CFAP54: variants seen among roughly 807,000 people sequenced by gnomAD.
The protein encoded by CFAP54 is cilia- and flagella-associated protein 54.
In CFAP54, 290 loss-of-function variants were observed where a neutral mutation model predicts 370.4. The ratio of observed to expected loss-of-function variants is 0.78; its 90% CI spans 0.71 to 0.86. The LOEUF is 0.86. CFAP54 is among the 40% of genes least tolerant of loss of function. The pLI, the probability that CFAP54 is intolerant of heterozygous loss-of-function variation, is 0.00. For synonymous variants in CFAP54, 1,206 were observed against 1,236.5 expected (o/e 0.98, Z 0.52); for missense variants, 3,399 against 3,528.7 (o/e 0.96, Z 0.93).
chr12:96,870,464 C>G (rs995496152), intron 67 of CFAP54, among the ~76,000 whole-genome samples: 14 of 152,142 alleles, frequency 9.2e-5, no homozygotes, highest in African/African-American at 3.4e-4. Context: ...TTACCACCTG[C>G]ATGAATTTGG....
chr12:96,626,701 G>A (rs942803907), intron 29 of CFAP54, 112 bp from the exon 30 acceptor site: 5 of 495,434 alleles, frequency 1.0e-5, no homozygotes, highest in Non-Finnish European at 1.6e-5. Flanking sequence ...AATCTAAAAA[G>A]CAGATTAATA....
chr12:96,489,648 C>T lies in CFAP54; in HGVS notation c.39C>T (p.Asp13=). 3.3e-6 allele frequency: 5 copies of T among 1,530,728 alleles called. No homozygotes were observed. Among genetic ancestry groups the T allele is most frequent in the Non-Finnish European group, 3.5e-6 (4 of 1,142,522 alleles). The allele number at this position is 1,530,728 out of a possible 1,614,324, so 94.8% of individuals were successfully genotyped here. A position where few individuals can be genotyped will look rare whatever the true frequency, so the allele number is the denominator to read the frequency against. ...AQGSPSSSPS[D]DSTTSGSLPE... ...GCTCCCCCTCGAGCTCTCCGTCAGA[C>T]GACTCTACCACCTCGGGGTCTCTGC... is the stretch of plus-strand genomic sequence containing the variant. Residue 13 remains aspartate (D), a synonymous_variant, in exon 1 of 68, where the codon GAC becomes GAT. Coordinates refer to ENST00000524981, the MANE Select transcript of CFAP54 (RefSeq NM_001306084.2).
chr12:96,664,689 G>GTATA lies in CFAP54; in HGVS notation c.5563+761_5563+764dup, dbSNP rs1274516967. Reference sequence around the variant, plus strand: ...AATAGAACAATTTATATTCCTTTGGGTATATATCTATATATATATATATAT... The same window carrying GTATA: ...AATAGAACAATTTATATTCCTTTGGGTATATATATATCTATATATATATATATAT... On this transcript the variant is annotated intron_variant, in intron 39 of 67. Transcript: ENST00000524981. 1.8e-3 allele frequency among the ~76,000 whole-genome samples: 47 copies of GTATA among 26,264 alleles called. 1 individual carries two copies. Among genetic ancestry groups the GTATA allele is most frequent in the Admixed American group, 3.6e-3 (8 of 2,224 alleles). 17.2% of individuals were successfully genotyped at this position (26,264 alleles called of 152,430 possible). A position where few individuals can be genotyped will look rare whatever the true frequency, so the allele number is the denominator to read the frequency against.
chr12:96,585,424 G>A (rs1255060848), intron 22 of CFAP54, among the ~76,000 whole-genome samples: 1 of 152,126 alleles, frequency 6.6e-6, no homozygotes, highest in Non-Finnish European at 1.5e-5. Context: ...TCTTCCCCCA[G>A]AGAGCCATTC....
At chr12:96,648,052 C>T in intron 34 of CFAP54, 35 bp downstream of exon 34, 1 of 1,447,374 alleles carries the variant, frequency 6.9e-7, no homozygotes, top group Non-Finnish European at 9.1e-7. Context: ...ATTAAATTAC[C>T]TCTAGATTTT....
At chr12:96,521,564 G>A (rs1300643843) in intron 6 of CFAP54, among the ~76,000 whole-genome samples, 1 of 151,890 alleles carries the variant, frequency 6.6e-6, no homozygotes, top group East Asian at 1.9e-4. Flanking sequence ...GCGCACATGA[G>A]GACGTGCGGT....
intron 32 of CFAP54, among the ~76,000 whole-genome samples, chr12:96,632,033 G>C (rs902665783): frequency 6.6e-6 from 1 of 151,578 alleles, no homozygotes; most frequent in Non-Finnish European, 1.5e-5. Context: ...CATTTTTGTG[G>C]AACTATGTGG....
At chr12:96,652,686 A>T (rs1378113117) in intron 36 of CFAP54, among the ~76,000 whole-genome samples, 1 of 152,236 alleles carries the variant, frequency 6.6e-6, no homozygotes, top group Non-Finnish European at 1.5e-5. Flanking sequence ...AAGATGCCAA[A>T]TAAAGGGTAG....
intron 19 of CFAP54, among the ~76,000 whole-genome samples, chr12:96,570,447 T>C (rs1381902671): frequency 6.6e-6 from 1 of 152,126 alleles, no homozygotes; most frequent in East Asian, 1.9e-4. Context: ...ATTTTTTTTC[T>C]CTTTTAAGTG....
At chr12:96,705,890 A>G (rs1433379960) in intron 47 of CFAP54, among the ~76,000 whole-genome samples, 1 of 152,198 alleles carries the variant, frequency 6.6e-6, no homozygotes, top group East Asian at 1.9e-4. Flanking sequence ...AAGACAAGAG[A>G]AAGCTTCTCT....
chr12:96,724,704 C>T (rs896961820), intron 50 of CFAP54, among the ~76,000 whole-genome samples: 2 of 152,128 alleles, frequency 1.3e-5, no homozygotes, highest in Non-Finnish European at 2.9e-5. Context: ...TCAATTTTGG[C>T]TTTTGTTGCC....
chr12:96,717,852 C>T (rs1957703127), intron 48 of CFAP54, among the ~76,000 whole-genome samples: 1 of 152,154 alleles, frequency 6.6e-6, no homozygotes, highest in Non-Finnish European at 1.5e-5. Flanking sequence ...TAGCCAATAA[C>T]TTGAATAACA....
At position 96,623,877 on chromosome 12, in the gene CFAP54, G is replaced by A. The variant is rs758367970; in HGVS notation, c.3882G>A (p.Lys1294=). Residue 1294 remains lysine (K), a synonymous_variant, in exon 28 of 68, where the codon AAG becomes AAA. Transcript: ENST00000524981. ...AGACACACCTACTCAAACTGACAAA[G>A]CAATGTAATCATTTGTTTTCTGTAT... ...LLETHLLKLT[K]QYVTSELSGG... 55 of 1,519,064 alleles carry A rather than the reference G, an allele frequency of 3.6e-5. No homozygotes were observed. The highest frequency in any genetic ancestry group is 3.4e-4 in the Middle Eastern group (2 of 5,956). The allele number at this position is 1,519,064 out of a possible 1,614,324, so 94.1% of individuals were successfully genotyped here. A position where few individuals can be genotyped will look rare whatever the true frequency, so the allele number is the denominator to read the frequency against.
At chr12:96,826,705 AAATT>A (rs1238971594) in intron 65 of CFAP54, among the ~76,000 whole-genome samples, 2 of 111,742 alleles carry the variant, frequency 1.8e-5, no homozygotes, top group Non-Finnish European at 3.3e-5. Flanking sequence ...TATAATATAT[AAATT>A]AATATACAAC....
chr12:96,722,397 T>C (rs766999300), intron 50 of CFAP54, among the ~76,000 whole-genome samples: 19 of 152,184 alleles, frequency 1.2e-4, no homozygotes, highest in Non-Finnish European at 2.5e-4. Context: ...CAAATATCTA[T>C]AGACAAAGTG....
intron 19 of CFAP54, chr12:96,572,756 C>A: frequency 1.8e-6 from 1 of 552,228 alleles, no homozygotes; most frequent in Non-Finnish European, 2.3e-6. Flanking sequence ...GATGTTCAAG[C>A]TCCACTCCTG....
Position 96,664,821 on chromosome 12 carries a change from A to C in CFAP54, c.5563+889A>C, listed in dbSNP as rs1355546363. 1.3e-4 allele frequency among the ~76,000 whole-genome samples: 17 copies of C among 135,330 alleles called. 1 individual carries two copies. The highest frequency in any genetic ancestry group is 4.5e-4 in the African/African-American group (16 of 35,816). 88.8% of individuals were successfully genotyped at this position (135,330 alleles called of 152,430 possible). A position where few individuals can be genotyped will look rare whatever the true frequency, so the allele number is the denominator to read the frequency against. On this transcript the variant is annotated intron_variant, in intron 39 of 67. Coordinates refer to ENST00000524981, the MANE Select transcript of CFAP54 (RefSeq NM_001306084.2). ...TATATATATATATATATAGATATAT[A>C]TATGTATATCCCATAATGGGATTGC...
chr12:96,579,891 A>G (rs181943091), intron 20 of CFAP54, among the ~76,000 whole-genome samples: 7 of 151,864 alleles, frequency 4.6e-5, no homozygotes, highest in Admixed American at 3.9e-4. Flanking sequence ...AAAATATAAA[A>G]TTAAACTAAA....
At chr12:96,863,755 T>G (rs1461917033) in intron 67 of CFAP54, among the ~76,000 whole-genome samples, 1 of 152,030 alleles carries the variant, frequency 6.6e-6, no homozygotes. Flanking sequence ...TGGTTTCCTC[T>G]GGGGAAGGCA....
Sources: gnomAD v4.1 joint callset for allele counts (sites outside exome capture counted in the v4.1 genomes callset) on GRCh38, gnomAD v4.1.1 for gene constraint, MANE v1.5 for transcripts, NCBI Gene and HGNC (gene_info 2026-07-23, HGNC 2026-07-21) for gene names.